Variants in CTNNA3 observed in about 807,000 individuals in gnomAD.
CTNNA3 encodes the protein catenin alpha-3.
Under a neutral mutation model 95.7 loss-of-function variants are expected in CTNNA3, and 76 were observed. The observed-to-expected ratio is 0.79, with a 90% CI of 0.66 to 0.96. The LOEUF (loss-of-function observed/expected upper bound fraction) is 0.96, where lower values mean the gene tolerates loss of function less well. CTNNA3 is among the 40% of genes least tolerant of loss of function. The pLI, the probability that CTNNA3 is intolerant of heterozygous loss-of-function variation, is 0.00. For missense variants in CTNNA3, 1,191 were observed against 1,089.8 expected, an observed-to-expected ratio of 1.09 and a Z score of -1.31; for synonymous variants, 431 against 374.4, an observed-to-expected ratio of 1.15 and a Z score of -1.74.
At chr10:66,857,125 C>G (rs149256168) in intron 7 of CTNNA3, among the ~76,000 whole-genome samples, 18 of 152,076 alleles carry the variant, frequency 1.2e-4, no homozygotes, top group African/African-American at 3.6e-4. Context: ...CTGCATATGG[C>G]TAGCCAGTTA....
intron 15 of CTNNA3, among the ~76,000 whole-genome samples, chr10:66,042,958 T>A (rs772017813): frequency 8.0e-6 from 1 of 124,774 alleles, no homozygotes; most frequent in East Asian, 2.2e-4. Flanking sequence ...AATAAGTGGA[T>A]TGGAGAACAG....
At position 66,806,824 on chromosome 10, in the gene CTNNA3, G is replaced by A. The variant is rs1841669668; in HGVS notation, c.1048-31300C>T. On this transcript the variant is annotated intron_variant, in intron 7 of 17. Coordinates refer to ENST00000433211, the MANE Select transcript of CTNNA3 (RefSeq NM_013266.4). ...TACATATATACACAATGTGGTATGT[G>A]TATATAAACATACATATATATATTC... Among the ~76,000 whole-genome samples, 4 of 150,984 alleles carry A rather than the reference G, an allele frequency of 2.6e-5. No homozygotes were observed. The South Asian group carries it at 8.4e-4, about 32-fold the overall frequency.
chr10:67,037,492 CTATAT>C, intron 7 of CTNNA3, among the ~76,000 whole-genome samples: 1 of 151,860 alleles, frequency 6.6e-6, no homozygotes, highest in East Asian at 1.9e-4. Flanking sequence ...GTAAGGGAAA[CTATAT>C]AAGATGTTTA....
chr10:67,024,638 G>A (rs557614516), intron 7 of CTNNA3, among the ~76,000 whole-genome samples: 3 of 152,104 alleles, frequency 2.0e-5, no homozygotes, highest in Non-Finnish European at 4.4e-5. Flanking sequence ...ATATGCAAAT[G>A]GGTGTAACCA....
chr10:66,047,771 G>A (rs569389955), intron 15 of CTNNA3, among the ~76,000 whole-genome samples: 33 of 151,874 alleles, frequency 2.2e-4, no homozygotes, highest in Admixed American at 1.6e-3. Flanking sequence ...TGATACCTTC[G>A]GCAAAGTTGC....
At chr10:67,164,172 A>G (rs1002400078) in intron 7 of CTNNA3, among the ~76,000 whole-genome samples, 11 of 152,066 alleles carry the variant, frequency 7.2e-5, no homozygotes, top group African/African-American at 2.7e-4. Context: ...CAACTTTGAA[A>G]TAGGAAATTA....
At chr10:67,191,645 T>C (rs1343915472) in intron 6 of CTNNA3, among the ~76,000 whole-genome samples, 1 of 151,904 alleles carries the variant, frequency 6.6e-6, no homozygotes, top group African/African-American at 2.4e-5. Flanking sequence ...TGGATTAAAA[T>C]AATTAGTACT....
At chr10:67,719,666 T>C (rs1010919674) in intron 1 of CTNNA3, among the ~76,000 whole-genome samples, 12 of 152,096 alleles carry the variant, frequency 7.9e-5, no homozygotes, top group Non-Finnish European at 2.9e-5. Flanking sequence ...TCTGAGAGAC[T>C]GTTTGTTATG....
At chr10:66,044,929 G>A (rs1589287989) in intron 15 of CTNNA3, among the ~76,000 whole-genome samples, 1 of 152,124 alleles carries the variant, frequency 6.6e-6, no homozygotes, top group African/African-American at 2.4e-5. Context: ...AATTGAGAAA[G>A]AGTAATTGAT....
intron 10 of CTNNA3, among the ~76,000 whole-genome samples, chr10:66,613,130 C>G (rs1017607772): frequency 6.6e-6 from 1 of 152,098 alleles, no homozygotes; most frequent in African/African-American, 2.4e-5. Flanking sequence ...TTCTGAGATT[C>G]TTGCCTTGGC....
At chr10:66,162,519 G>A in intron 13 of CTNNA3, among the ~76,000 whole-genome samples, 1 of 152,092 alleles carries the variant, frequency 6.6e-6, no homozygotes, top group East Asian at 1.9e-4. Flanking sequence ...GCTACAGGCT[G>A]GTACTGCAGG....
intron 9 of CTNNA3, among the ~76,000 whole-genome samples, chr10:66,629,956 C>T (rs78488960): frequency 0.011 from 1,617 of 152,298 alleles, 36 homozygotes; most frequent in African/African-American, 0.037. Context: ...CCTGAAACTT[C>T]TGCCCACCTA....
At chr10:67,192,859 G>A (rs1863180596) in intron 6 of CTNNA3, among the ~76,000 whole-genome samples, 1 of 151,684 alleles carries the variant, frequency 6.6e-6, no homozygotes, top group Admixed American at 6.6e-5. Flanking sequence ...ATCTGCAGAT[G>A]AATGAATGAA....
chr10:67,481,139 G>T (rs1205825018), intron 5 of CTNNA3, among the ~76,000 whole-genome samples: 1 of 151,990 alleles, frequency 6.6e-6, no homozygotes, highest in East Asian at 1.9e-4. Flanking sequence ...AAAATAATAA[G>T]AACCATCTAT....
At chr10:67,637,359 C>A (rs1050262116) in intron 2 of CTNNA3, among the ~76,000 whole-genome samples, 3 of 152,136 alleles carry the variant, frequency 2.0e-5, no homozygotes, top group Non-Finnish European at 4.4e-5. Context: ...AAATATCAGA[C>A]TATGTGAAAA....
At chr10:66,489,540 C>G (rs1384373985) in intron 11 of CTNNA3, among the ~76,000 whole-genome samples, 1 of 152,128 alleles carries the variant, frequency 6.6e-6, no homozygotes, top group Admixed American at 6.5e-5. Flanking sequence ...TACTCCCCAA[C>G]GTTATGTACA....
At chr10:66,942,531 T>C (rs1193783408) in intron 7 of CTNNA3, among the ~76,000 whole-genome samples, 2 of 151,864 alleles carry the variant, frequency 1.3e-5, no homozygotes, top group Admixed American at 6.6e-5. Context: ...AATCTCTCTT[T>C]AAAACATTGC....
At chr10:66,105,773 T>C (rs554077144) in intron 13 of CTNNA3, among the ~76,000 whole-genome samples, 1 of 152,352 alleles carries the variant, frequency 6.6e-6, no homozygotes, top group African/African-American at 2.4e-5. Flanking sequence ...TCAAAACACT[T>C]GCTGGCAGCA....
chr10:67,116,744 A>T (rs377075774), intron 7 of CTNNA3, among the ~76,000 whole-genome samples: 5 of 141,590 alleles, frequency 3.5e-5, no homozygotes, highest in South Asian at 4.4e-4. Context: ...ATATATATAT[A>T]ATATATAAAA....
Sources: allele counts gnomAD v4.1 joint callset (sites outside exome capture counted in the v4.1 genomes callset), GRCh38; gene constraint gnomAD v4.1.1; transcripts MANE v1.5; gene names NCBI Gene and HGNC (gene_info 2026-07-23, HGNC 2026-07-21).